Variants in KSR2 observed in about 807,000 individuals in gnomAD.
KSR2 encodes the protein kinase suppressor of ras 2.
KSR2 carries 25 observed loss-of-function variants against 107.8 expected under a neutral mutation model. That is an observed-to-expected ratio of 0.23 (90% CI 0.17 to 0.32). The LOEUF (loss-of-function observed/expected upper bound fraction) is 0.32. Among genes scored for constraint, KSR2 ranks in the 10% least tolerant of loss-of-function variants. The pLI, the probability that KSR2 is intolerant of heterozygous loss-of-function variation, is 1.00. For synonymous variants in KSR2, 480 were observed against 507.0 expected (o/e 0.95, Z 0.71); for missense variants, 887 against 1,268.9 (o/e 0.70, Z 4.57).
chr12:117,777,107 TACAC>T lies in KSR2; in HGVS notation c.473-15587_473-15584del, dbSNP rs35481254. Among the ~76,000 whole-genome samples the T allele has an allele frequency of 4.1e-3, 271 of 66,114 alleles. 2 individuals are homozygous for T. In the East Asian group the frequency reaches 0.06, roughly 15 times the overall value. The allele number at this position is 66,114 out of a possible 152,430, so 43.4% of individuals were successfully genotyped here. On this transcript the variant is annotated intron_variant, in intron 3 of 19. Coordinates refer to ENST00000339824, the MANE Select transcript of KSR2 (RefSeq NM_173598.6). ...TATATTTTATATATATATATATATA[TACAC>T]ACACACACCATATATATATACACTA...
intron 3 of KSR2, among the ~76,000 whole-genome samples, chr12:117,803,633 G>T (rs1455241623): frequency 6.6e-6 from 1 of 152,108 alleles, no homozygotes; most frequent in African/African-American, 2.4e-5. Flanking sequence ...AACCCGGGAG[G>T]CGGAGCTTGC....
intron 3 of KSR2, among the ~76,000 whole-genome samples, chr12:117,845,681 T>C (rs552298677): frequency 4.7e-5 from 7 of 150,296 alleles, no homozygotes; most frequent in African/African-American, 1.5e-4. Context: ...TCTTTTTCTT[T>C]CTTTTTTTTT....
At chr12:117,950,693 A>T (rs1046968951) in intron 1 of KSR2, among the ~76,000 whole-genome samples, 2 of 150,670 alleles carry the variant, frequency 1.3e-5, no homozygotes, top group African/African-American at 4.9e-5. Flanking sequence ...GTGAGCCAAG[A>T]TCGCACCACT....
chr12:117,478,317 T>C (rs1188229208), intron 16 of KSR2, among the ~76,000 whole-genome samples: 1 of 152,202 alleles, frequency 6.6e-6, no homozygotes, highest in Non-Finnish European at 1.5e-5. Flanking sequence ...GAACTTTCCA[T>C]TATGCCAGAA....
At chr12:117,696,515 C>G (rs632568) in intron 4 of KSR2, among the ~76,000 whole-genome samples, 113,617 of 151,094 alleles carry the variant, frequency 0.75, 42,987 homozygotes, top group South Asian at 0.82. Flanking sequence ...TAGCACTGGT[C>G]GGGGGGAGTA....
chr12:117,470,847 A>G (rs1404470507), intron 18 of KSR2, among the ~76,000 whole-genome samples: 1 of 152,232 alleles, frequency 6.6e-6, no homozygotes, highest in Admixed American at 6.5e-5. Flanking sequence ...TGTAGATGCA[A>G]ATAAAATTGG....
At position 117,461,185 on chromosome 12, in the gene KSR2, G is replaced by A. The variant is rs7958957; in HGVS notation, c.*6014C>T. ...AGCAACTTGAGAGGCTAAGGTGGGA[G>A]GATTGCTTGTGGCCAGGAGTTCGAG... On this transcript the variant is annotated 3_prime_UTR_variant, in exon 20 of 20. Coordinates refer to ENST00000339824, the MANE Select transcript of KSR2 (RefSeq NM_173598.6). 814 of 152,550 alleles carry A rather than the reference G, an allele frequency of 5.3e-3. 8 individuals carry two copies. The highest frequency in any genetic ancestry group is 0.018 in the African/African-American group (764 of 41,550). The allele number at this position is 152,550 out of a possible 1,614,324, so 9.4% of individuals were successfully genotyped here.
chr12:117,813,887 A>C (rs1479216618), intron 3 of KSR2, among the ~76,000 whole-genome samples: 1 of 152,230 alleles, frequency 6.6e-6, no homozygotes, highest in Non-Finnish European at 1.5e-5. Context: ...GTCCAAGAAG[A>C]GATGAATGGA....
At chr12:117,863,408 T>A (rs77520255) in intron 1 of KSR2, among the ~76,000 whole-genome samples, 1 of 152,154 alleles carries the variant, frequency 6.6e-6, no homozygotes, top group Non-Finnish European at 1.5e-5. Context: ...TGGAGTCACA[T>A]TCCCAGCCAC....
Position 117,453,739 on chromosome 12 carries a change from T to G in KSR2, c.*13460A>C, listed in dbSNP as rs1189974917. 6.6e-6 allele frequency: 1 copy of G among 152,076 alleles called. No homozygotes were observed. The highest frequency in any genetic ancestry group is 1.5e-5 in the Non-Finnish European group (1 of 68,000). 9.4% of individuals were successfully genotyped at this position (152,076 alleles called of 1,614,324 possible). A position where few individuals can be genotyped will look rare whatever the true frequency, so the allele number is the denominator to read the frequency against. Reference sequence around the variant, plus strand: ...CAAAGAGAGCGAGAAATGAGAGGCTTGGGGTGGAAACGTTGACCACCTAAG... The same window carrying G: ...CAAAGAGAGCGAGAAATGAGAGGCTGGGGGTGGAAACGTTGACCACCTAAG... On this transcript the variant is annotated 3_prime_UTR_variant, in exon 20 of 20. Transcript: ENST00000339824.
At chr12:117,865,391 TCTGAATAAATGACGTTTTA>T (rs1893436016) in intron 1 of KSR2, among the ~76,000 whole-genome samples, 1 of 152,242 alleles carries the variant, frequency 6.6e-6, no homozygotes, top group Non-Finnish European at 1.5e-5. Flanking sequence ...AGCCTTTTCT[TCTGAATAAATGACGTTTTA>T]CTGTTCATTA....
At chr12:117,472,784 G>T (rs1871548404) in intron 17 of KSR2, among the ~76,000 whole-genome samples, 2 of 152,260 alleles carry the variant, frequency 1.3e-5, no homozygotes, top group South Asian at 2.1e-4. Flanking sequence ...GCTTATTGAG[G>T]TTTTACTCTG....
intron 4 of KSR2, among the ~76,000 whole-genome samples, chr12:117,684,610 G>C (rs1885494422): frequency 6.6e-6 from 1 of 152,150 alleles, no homozygotes; most frequent in Non-Finnish European, 1.5e-5. Flanking sequence ...GCTGGCAGGA[G>C]AGGTAAGTGC....
At chr12:117,607,616 C>CA in intron 5 of KSR2, among the ~76,000 whole-genome samples, 1 of 143,956 alleles carries the variant, frequency 6.9e-6, no homozygotes, top group Middle Eastern at 3.8e-3. Context: ...TGCTCCACCA[C>CA]CCCGCCTGCA....
intron 7 of KSR2, 33 bp downstream of exon 7, chr12:117,579,086 T>C (rs1279724234): frequency 1.3e-6 from 2 of 1,523,464 alleles, no homozygotes; most frequent in Admixed American, 1.7e-5. Context: ...CATCGGGTGC[T>C]GCGAAAAGTC....
intron 14 of KSR2, among the ~76,000 whole-genome samples, chr12:117,507,195 G>A (rs894371120): frequency 8.5e-5 from 13 of 152,184 alleles, no homozygotes; most frequent in African/African-American, 2.2e-4. Flanking sequence ...CAGTGTGCCC[G>A]TTCTATACAG....
chr12:117,682,726 G>A (rs1458699323), intron 4 of KSR2, among the ~76,000 whole-genome samples: 1 of 152,032 alleles, frequency 6.6e-6, no homozygotes, highest in Non-Finnish European at 1.5e-5. Flanking sequence ...CTGTATCTCA[G>A]AACTTAATAT....
intron 3 of KSR2, among the ~76,000 whole-genome samples, chr12:117,839,438 T>C (rs1324084424): frequency 6.6e-6 from 1 of 152,214 alleles, no homozygotes; most frequent in East Asian, 1.9e-4. Context: ...ATCTGAAAAC[T>C]GGGGAATACA....
At chr12:117,701,498 A>T (rs982756074) in intron 4 of KSR2, among the ~76,000 whole-genome samples, 1 of 152,136 alleles carries the variant, frequency 6.6e-6, no homozygotes, top group Admixed American at 6.5e-5. Context: ...CTTTAGCATC[A>T]TCTCTGTAGT....
Sources: gnomAD v4.1 joint callset for allele counts (sites outside exome capture counted in the v4.1 genomes callset) on GRCh38, gnomAD v4.1.1 for gene constraint, MANE v1.5 for transcripts, NCBI Gene and HGNC (gene_info 2026-07-23, HGNC 2026-07-21) for gene names.